Variants in POGLUT2 observed in about 807,000 individuals in gnomAD.
POGLUT2 encodes the protein ER protein 58.
A neutral mutation model predicts 57.6 loss-of-function variants in POGLUT2; 47 were observed. The ratio of observed to expected loss-of-function variants is 0.82; its 90% CI spans 0.65 to 1.04. The LOEUF (loss-of-function observed/expected upper bound fraction) is 1.04. POGLUT2 is among the 50% of genes least tolerant of loss of function. POGLUT2 has a pLI of 0.00. For synonymous variants in POGLUT2, 200 were observed against 218.8 expected (o/e 0.91, Z 0.76); for missense variants, 565 against 614.8 (o/e 0.92, Z 0.86).
intron 4 of POGLUT2, chr13:102,791,961 G>A: frequency 7.8e-7 from 1 of 1,277,162 alleles, no homozygotes; most frequent in Non-Finnish European, 1.0e-6. Context: ...CAAAACAACA[G>A]ATATACATTT....
In POGLUT2 at chr13:102,798,702, A is replaced by G. The variant is rs1878550007; in HGVS notation, c.-32T>C. Reference sequence around the variant, plus strand: ...GACGGACTCTCGAAATGATCCACCGATAAATGAAGAAGTGTAAGAGGTGGA... The same window carrying G: ...GACGGACTCTCGAAATGATCCACCGGTAAATGAAGAAGTGTAAGAGGTGGA... On this transcript the variant is annotated 5_prime_UTR_variant, in exon 1 of 10. Coordinates refer to ENST00000376004, the MANE Select transcript of POGLUT2 (RefSeq NM_024089.3). 2 of 1,555,200 alleles carry G rather than the reference A, an allele frequency of 1.3e-6. No homozygotes were observed.
At chr13:102,787,207 C>A (rs937915817) in intron 8 of POGLUT2, among the ~76,000 whole-genome samples, 1 of 151,904 alleles carries the variant, frequency 6.6e-6, no homozygotes, top group African/African-American at 2.4e-5. Flanking sequence ...CCACCACACC[C>A]GGCTAATTTT....
At chr13:102,794,074 C>A (rs1194872510) in intron 2 of POGLUT2, among the ~76,000 whole-genome samples, 2 of 151,570 alleles carry the variant, frequency 1.3e-5, no homozygotes, top group Non-Finnish European at 2.9e-5. Flanking sequence ...CATGTCTCTA[C>A]AAAAAATAAA....
Position 102,798,587 on chromosome 13 carries a change from G to C in POGLUT2, c.84C>G (p.Ser28Arg). 2 of 1,613,712 alleles carry C rather than the reference G, an allele frequency of 1.2e-6. No homozygotes were observed. The highest frequency in any genetic ancestry group is 1.7e-6 in the Non-Finnish European group (2 of 1,179,822). The change falls in exon 1 of 10, where the codon AGC becomes AGG. Residue 28 changes from serine (S) to arginine (R), a missense_variant. Ser to Arg is a moderately radical substitution (Grantham distance 110). Coordinates refer to ENST00000376004, the MANE Select transcript of POGLUT2 (RefSeq NM_024089.3). Reference sequence around the variant, plus strand: ...GTCCCCATATTTCGCTCTTCTCCGGGCTCAGCTGCCTTTCTCCGCCGGTCT... The same window carrying C: ...GTCCCCATATTTCGCTCTTCTCCGGCCTCAGCTGCCTTTCTCCGCCGGTCT... ...LAETGGERQL[S>R]PEKSEIWGPG...
Position 102,798,666 on chromosome 13 carries a change from A to C in POGLUT2, c.5T>G (p.Phe2Cys). 6.3e-7 allele frequency: 1 copy of C among 1,590,912 alleles called. No individual in the cohort carries two copies. Among genetic ancestry groups the C allele is most frequent in the East Asian group, 2.3e-5 (1 of 43,410 alleles). ...GAAGCAATAAAGTAGCAAAGTGCCA[A>C]ACATTTACAAGACGGACTCTCGAAA... M[F>C]GTLLLYCFFL... The change falls in exon 1 of 10, where the codon TTT (phenylalanine) becomes TGT (cysteine). Residue 2 changes from phenylalanine to cysteine, a missense_variant. Physicochemically the swap from Phe to Cys is radical, Grantham distance 205. Coordinates refer to ENST00000376004, the MANE Select transcript of POGLUT2 (RefSeq NM_024089.3).
chr13:102,796,518 C>T (rs1878396006), intron 2 of POGLUT2, among the ~76,000 whole-genome samples: 1 of 150,856 alleles, frequency 6.6e-6, no homozygotes, highest in Non-Finnish European at 1.5e-5. Flanking sequence ...AGCATGAACA[C>T]AGCTTGATTA....
rs765871328 is a variant in POGLUT2, at chr13:102,798,504, T to C, written c.167A>G (p.Asp56Gly). The C allele has an allele frequency of 1.9e-5, 30 of 1,609,150 alleles. No individual in the cohort carries two copies. Among genetic ancestry groups the C allele is most frequent in the Non-Finnish European group, 1.7e-6 (2 of 1,177,750 alleles). The change falls in exon 1 of 10, where the codon GAT (aspartate) becomes GGT (glycine). Residue 56 changes from aspartate (D) to glycine (G), a missense_variant. Asp to Gly is a moderately conservative substitution (Grantham distance 94). Coordinates refer to ENST00000376004, the MANE Select transcript of POGLUT2 (RefSeq NM_024089.3). Reference sequence around the variant, plus strand: ...CTCGACTTACTTATTCCCTGATGTATCCACTGCCTGAATATAGAAATAGCG... The same window carrying C: ...CTCGACTTACTTATTCCCTGATGTACCCACTGCCTGAATATAGAAATAGCG... The part of the protein sequence containing the change: ...PARYFYIQAV[D>G]TSGNKFTSSP...
In POGLUT2 at chr13:102,798,890, T is replaced by C. The variant is rs1878564636; in HGVS notation, c.-220A>G. 2.0e-6 allele frequency: 1 copy of C among 488,462 alleles called. No individual in the cohort carries two copies. Among genetic ancestry groups the C allele is most frequent in the Admixed American group, 3.9e-5 (1 of 25,686 alleles). The allele number at this position is 488,462 out of a possible 1,614,324, so 30.3% of individuals were successfully genotyped here. On this transcript the variant is annotated 5_prime_UTR_variant, in exon 1 of 10. Coordinates refer to ENST00000376004, the MANE Select transcript of POGLUT2 (RefSeq NM_024089.3). The stretch of plus-strand genomic sequence containing the variant: ...GCGCCCAGGTGAGGGTCCCCTGGCG[T>C]TCTGCTGTCCCGGCCGAGAACCGCG...
intron 8 of POGLUT2, among the ~76,000 whole-genome samples, chr13:102,786,633 C>A (rs1877955431): frequency 6.6e-6 from 1 of 152,032 alleles, no homozygotes; most frequent in African/African-American, 2.4e-5. Context: ...ATTTTGCACA[C>A]AATCTTCCCT....
At chr13:102,796,674 TTC>T in intron 2 of POGLUT2, 128 bp downstream of exon 2, 1 of 207,908 alleles carries the variant, frequency 4.8e-6, no homozygotes, top group Non-Finnish European at 7.9e-6. Flanking sequence ...TTTATTTTTC[TTC>T]TTTCAGTAAA....
At chr13:102,792,401 T>C (rs1050230679) in intron 4 of POGLUT2, among the ~76,000 whole-genome samples, 11 of 152,226 alleles carry the variant, frequency 7.2e-5, no homozygotes, top group Non-Finnish European at 1.5e-5. Flanking sequence ...CAAGTCATCT[T>C]TGGACTCAGA....
At position 102,798,662 on chromosome 13, in the gene POGLUT2, G is replaced by C; in HGVS notation, c.9C>G (p.Gly3=). The C allele has an allele frequency of 6.3e-7, 1 of 1,592,400 alleles. No homozygotes were observed. Among genetic ancestry groups the C allele is most frequent in the South Asian group, 1.1e-5 (1 of 88,546 alleles). MF[G]TLLLYCFFLA... The stretch of plus-strand genomic sequence containing the variant: ...GAAAGAAGCAATAAAGTAGCAAAGT[G>C]CCAAACATTTACAAGACGGACTCTC... The change falls in exon 1 of 10, where the codon GGC becomes GGG. Residue 3 remains glycine (G), a synonymous_variant. Transcript: ENST00000376004.
intron 6 of POGLUT2, among the ~76,000 whole-genome samples, chr13:102,789,935 G>A (rs1045165218): frequency 6.6e-6 from 1 of 152,112 alleles, no homozygotes; most frequent in Non-Finnish European, 1.5e-5. Context: ...ATGTCTTAAA[G>A]AAATTAGCAA....
intron 6 of POGLUT2, 138 bp from the exon 7 acceptor site, chr13:102,789,359 T>C (rs1447600648): frequency 6.1e-6 from 4 of 658,264 alleles, no homozygotes; most frequent in South Asian, 5.6e-5. Flanking sequence ...CTTTGCCGTT[T>C]AGTAAGTGTT....
chr13:102,797,115 C>A, intron 1 of POGLUT2, 106 bp from the exon 2 acceptor site: 1 of 705,984 alleles, frequency 1.4e-6, no homozygotes, highest in Non-Finnish European at 2.4e-6. Context: ...CACATTCTTC[C>A]TCTAACATAT....
chr13:102,792,330 AACCATTCCACT>A (rs1259189387), intron 4 of POGLUT2, among the ~76,000 whole-genome samples: 1 of 152,214 alleles, frequency 6.6e-6, no homozygotes, highest in African/African-American at 2.4e-5. Flanking sequence ...ATTACTTTCA[AACCATTCCACT>A]AGAACCCAAC....
chr13:102,796,743 A>T, intron 2 of POGLUT2, 61 bp downstream of exon 2: 11 of 680,964 alleles, frequency 1.6e-5, no homozygotes, highest in East Asian at 3.2e-5. Flanking sequence ...GTTTTTGTTG[A>T]TGGAATAACA....
In POGLUT2 at chr13:102,786,217, C is replaced by T; in HGVS notation, c.1491+15G>A. On this transcript the variant is annotated intron_variant, in intron 9 of 9. Transcript: ENST00000376004. ...TTTTTACTCTGACACCGGCCATAAG[C>T]TCAGTTCTGGTTACCTTTTTCCTAT... The T allele has an allele frequency of 6.5e-7, 1 of 1,532,596 alleles. No individual in the cohort carries two copies. Among genetic ancestry groups the T allele is most frequent in the African/African-American group, 1.4e-5 (1 of 73,402 alleles). 94.9% of individuals were successfully genotyped at this position (1,532,596 alleles called of 1,614,324 possible). A position where few individuals can be genotyped will look rare whatever the true frequency, so the allele number is the denominator to read the frequency against.
At position 102,793,364 on chromosome 13, in the gene POGLUT2, T is replaced by C; in HGVS notation, c.649A>G (p.Ile217Val). ...ACCTTTCTAGTCAAAGAAAGTAGTA[T>C]GGCATCCATGAAAATTCTAAAACCT... ...HVGFRIFMDAILLSLTRKVKM... is the reference protein window; with the variant it reads ...HVGFRIFMDAVLLSLTRKVKM... The change falls in exon 4 of 10, where the codon ATA becomes GTA. Residue 217 changes from isoleucine (I) to valine (V), a missense_variant. Ile to Val is a conservative substitution (Grantham distance 29, BLOSUM62 3). Coordinates refer to ENST00000376004, the MANE Select transcript of POGLUT2 (RefSeq NM_024089.3). 2 of 1,577,166 alleles carry C rather than the reference T, an allele frequency of 1.3e-6. No homozygotes were observed. Among genetic ancestry groups the C allele is most frequent in the Non-Finnish European group, 1.7e-6 (2 of 1,146,732 alleles).
Sources: gnomAD v4.1 joint callset for allele counts (sites outside exome capture counted in the v4.1 genomes callset) on GRCh38, gnomAD v4.1.1 for gene constraint, MANE v1.5 for transcripts, NCBI Gene and HGNC (gene_info 2026-07-23, HGNC 2026-07-21) for gene names.